Variants in ANKRD44 observed in about 807,000 individuals in gnomAD.
ANKRD44 encodes the protein serine/threonine-protein phosphatase 6 regulatory ankyrin repeat subunit B.
ANKRD44 carries 35 observed loss-of-function variants against 116.0 expected under a neutral mutation model. The ratio of observed to expected loss-of-function variants is 0.30; its 90% CI spans 0.23 to 0.40. The LOEUF is 0.40. ANKRD44 is among the 10% of genes least tolerant of loss of function. The probability of loss-of-function intolerance (pLI) is 1.00; values close to 1 mark genes in which losing one functional copy is unlikely to be tolerated. For missense variants in ANKRD44, 1,014 were observed against 1,242.6 expected (o/e 0.82, Z 2.77); for synonymous variants, 435 against 461.8 (o/e 0.94, Z 0.74).
At chr2:197,015,013 T>G (rs972619732) in intron 17 of ANKRD44, 3 of 203,572 alleles carry the variant, frequency 1.5e-5, no homozygotes, top group Non-Finnish European at 3.0e-5. Flanking sequence ...AAATTGTTTA[T>G]TGGTGGCCTG....
chr2:196,967,859 G>A (rs2075684982), intron 21 of ANKRD44, among the ~76,000 whole-genome samples: 2 of 151,912 alleles, frequency 1.3e-5, no homozygotes, highest in South Asian at 4.1e-4. Flanking sequence ...CCCAATGCTG[G>A]AGGTGGGGTG....
At chr2:197,262,981 C>T in intron 1 of ANKRD44, 1 of 196,040 alleles carries the variant, frequency 5.1e-6, no homozygotes, top group Middle Eastern at 2.0e-3. Context: ...CTAAACAATA[C>T]ATTAAGCAAG....
At chr2:197,095,930 G>A (rs993284778) in intron 10 of ANKRD44, among the ~76,000 whole-genome samples, 22 of 152,098 alleles carry the variant, frequency 1.4e-4, no homozygotes, top group African/African-American at 3.6e-4. Flanking sequence ...ATTTGCTAGC[G>A]TCAAAAGCCT....
At chr2:197,255,802 G>A (rs1315360383) in intron 1 of ANKRD44, among the ~76,000 whole-genome samples, 1 of 152,270 alleles carries the variant, frequency 6.6e-6, no homozygotes, top group Non-Finnish European at 1.5e-5. Flanking sequence ...CAAAGGCAAC[G>A]ACGCTCCTGG....
At position 197,300,759 on chromosome 2, in the gene ANKRD44, T is replaced by C. The variant is rs1030871306; in HGVS notation, c.27+9819A>G. 1.8e-4 allele frequency among the ~76,000 whole-genome samples: 20 copies of C among 114,280 alleles called. 1 individual carries two copies. In the South Asian group the frequency reaches 1.8e-3, roughly 10 times the overall value. The allele number at this position is 114,280 out of a possible 152,430, so 75.0% of individuals were successfully genotyped here. A position where few individuals can be genotyped will look rare whatever the true frequency, so the allele number is the denominator to read the frequency against. On this transcript the variant is annotated intron_variant, in intron 1 of 27. Transcript: ENST00000282272. Reference sequence around the variant, plus strand: ...CTCGACCTCTCAGTTTTCATTTTCCTTTTTTTTTTTTTTTTTTTTTTGAGA... The same window carrying C: ...CTCGACCTCTCAGTTTTCATTTTCCCTTTTTTTTTTTTTTTTTTTTTGAGA...
chr2:197,095,250 G>A (rs1168423754), intron 10 of ANKRD44, among the ~76,000 whole-genome samples: 1 of 152,130 alleles, frequency 6.6e-6, no homozygotes, highest in African/African-American at 2.4e-5. Context: ...CCTAATTTCA[G>A]TGTCCATGTT....
chr2:197,156,493 A>C (rs1254797913), intron 2 of ANKRD44, among the ~76,000 whole-genome samples: 1 of 152,256 alleles, frequency 6.6e-6, no homozygotes. Context: ...ACATTCAGGC[A>C]CTGCTAGTAG....
At chr2:197,085,764 C>G (rs1438374444) in intron 13 of ANKRD44, among the ~76,000 whole-genome samples, 1 of 152,214 alleles carries the variant, frequency 6.6e-6, no homozygotes, top group Non-Finnish European at 1.5e-5. Flanking sequence ...GCTACTCTGT[C>G]TATGGAGTAG....
chr2:197,217,565 ATTG>A (rs1338212496), intron 1 of ANKRD44, among the ~76,000 whole-genome samples: 1 of 152,216 alleles, frequency 6.6e-6, no homozygotes, highest in African/African-American at 2.4e-5. Flanking sequence ...AACACTTGAA[ATTG>A]TTGTATAAAA....
intron 17 of ANKRD44, among the ~76,000 whole-genome samples, chr2:197,021,628 C>A (rs2076500350): frequency 6.6e-6 from 1 of 152,146 alleles, no homozygotes; most frequent in South Asian, 2.1e-4. Context: ...ATATCCTTTG[C>A]CCACTTTTAG....
chr2:197,111,546 G>A (rs1309239491), intron 8 of ANKRD44, among the ~76,000 whole-genome samples: 1 of 151,880 alleles, frequency 6.6e-6, no homozygotes, highest in Non-Finnish European at 1.5e-5. Context: ...TGCTAAGGTG[G>A]GAGAATTGCT....
intron 1 of ANKRD44, among the ~76,000 whole-genome samples, chr2:197,245,900 T>G (rs1051380944): frequency 1.3e-5 from 2 of 152,202 alleles, no homozygotes; most frequent in African/African-American, 4.8e-5. Flanking sequence ...AGCTATCATG[T>G]AAACCCTTTT....
At chr2:197,126,709 G>A (rs1302309714) in intron 4 of ANKRD44, among the ~76,000 whole-genome samples, 4 of 151,874 alleles carry the variant, frequency 2.6e-5, no homozygotes, top group Admixed American at 2.0e-4. Flanking sequence ...AAGCACAGAA[G>A]CCAAGCATGG....
At chr2:197,194,700 T>C (rs948898310) in intron 1 of ANKRD44, among the ~76,000 whole-genome samples, 4 of 152,224 alleles carry the variant, frequency 2.6e-5, no homozygotes, top group Admixed American at 2.6e-4. Flanking sequence ...CGTATGCATA[T>C]ATATTTACAC....
rs78477577 is a variant in ANKRD44, at chr2:197,010,693, C to T, written c.1925-1662G>A. 5.7e-3 allele frequency among the ~76,000 whole-genome samples: 861 copies of T among 152,318 alleles called. 3 individuals are homozygous for T. The highest frequency in any genetic ancestry group is 0.01 in the Middle Eastern group (3 of 294). On this transcript the variant is annotated intron_variant, in intron 18 of 27. Transcript: ENST00000282272. Reference sequence around the variant, plus strand: ...ACTCAGGGAGTAAGATGAGAGCAACCGTGGTTAAAATTCCAAATGTGACCT... The same window carrying T: ...ACTCAGGGAGTAAGATGAGAGCAACTGTGGTTAAAATTCCAAATGTGACCT...
intron 6 of ANKRD44, among the ~76,000 whole-genome samples, chr2:197,124,295 A>T (rs779523824): frequency 6.6e-6 from 1 of 152,158 alleles, no homozygotes; most frequent in Non-Finnish European, 1.5e-5. Context: ...TCTCCCTACA[A>T]TTAATGTTAA....
intron 1 of ANKRD44, among the ~76,000 whole-genome samples, chr2:197,243,374 G>C (rs1305254871): frequency 6.6e-6 from 1 of 151,098 alleles, no homozygotes; most frequent in African/African-American, 2.4e-5. Flanking sequence ...CAGGAATACA[G>C]CTTTAGGACA....
At chr2:196,974,998 C>T (rs1031183165) in intron 21 of ANKRD44, among the ~76,000 whole-genome samples, 1 of 151,230 alleles carries the variant, frequency 6.6e-6, no homozygotes, top group African/African-American at 2.4e-5. Flanking sequence ...AAATAGAGAA[C>T]AGAAAAACAA....
chr2:197,272,643 G>A (rs1017819032), intron 1 of ANKRD44, among the ~76,000 whole-genome samples: 6 of 152,156 alleles, frequency 3.9e-5, no homozygotes, highest in African/African-American at 1.4e-4. Flanking sequence ...GTTTTGTTTG[G>A]AGAGTGGAGC....
Sources: gnomAD v4.1 joint callset for allele counts (sites outside exome capture counted in the v4.1 genomes callset) on GRCh38, gnomAD v4.1.1 for gene constraint, MANE v1.5 for transcripts, NCBI Gene and HGNC (gene_info 2026-07-23, HGNC 2026-07-21) for gene names.